The following RPGRIP1L variants were observed in gnomAD, a reference collection of about 807,000 sequenced individuals.
RPGRIP1L encodes the protein protein fantom.
In RPGRIP1L, 131 loss-of-function variants were observed where a neutral mutation model predicts 160.4. The observed-to-expected ratio is 0.82, with a 90% CI of 0.71 to 0.94. The LOEUF is 0.94. Ranked by LOEUF, RPGRIP1L falls within the 40% of genes least tolerant of loss-of-function variation. The pLI is 0.00. For missense variants in RPGRIP1L, 1,522 were observed against 1,535.8 expected (o/e 0.99, Z 0.15); for synonymous variants, 510 against 515.8 (o/e 0.99, Z 0.15).
chr16:53,659,155 G>T (rs1967545254), intron 10 of RPGRIP1L: 12 of 839,082 alleles, frequency 1.4e-5, no homozygotes, highest in Non-Finnish European at 1.8e-5. Flanking sequence ...GACTTCAAAG[G>T]AATGTTCTAT....
chr16:53,685,746 C>T (rs985254654), intron 6 of RPGRIP1L, among the ~76,000 whole-genome samples: 1 of 152,184 alleles, frequency 6.6e-6, no homozygotes, highest in African/African-American at 2.4e-5. Flanking sequence ...TCAGGAAGAA[C>T]AGCTAGTGGA....
chr16:53,645,560 C>A (rs905065616), intron 17 of RPGRIP1L, 65 bp downstream of exon 17: 59 of 1,453,302 alleles, frequency 4.1e-5, no homozygotes, highest in Non-Finnish European at 5.6e-5. Flanking sequence ...GAATCATATC[C>A]ATAACACTAA....
chr16:53,644,661 C>T (rs1966434110), intron 17 of RPGRIP1L, among the ~76,000 whole-genome samples: 1 of 152,168 alleles, frequency 6.6e-6, no homozygotes. Flanking sequence ...AGTAAGTGGT[C>T]TGATGTACTC....
chr16:53,698,269 G>A (rs900793154), intron 2 of RPGRIP1L, among the ~76,000 whole-genome samples: 1 of 151,410 alleles, frequency 6.6e-6, no homozygotes, highest in Non-Finnish European at 1.5e-5. Flanking sequence ...CGGGAGGGAG[G>A]TGGGGGGTCA....
intron 25 of RPGRIP1L, among the ~76,000 whole-genome samples, chr16:53,610,379 C>T (rs766703073): frequency 9.2e-5 from 14 of 152,126 alleles, no homozygotes; most frequent in Non-Finnish European, 1.8e-4. Flanking sequence ...ACAAATTAGT[C>T]TGAAAGGCTG....
At chr16:53,642,544 T>C (rs1401536038) in intron 17 of RPGRIP1L, among the ~76,000 whole-genome samples, 1 of 151,844 alleles carries the variant, frequency 6.6e-6, no homozygotes, top group Non-Finnish European at 1.5e-5. Flanking sequence ...AATGGCTAAG[T>C]AAAAAGCTCA....
intron 22 of RPGRIP1L, among the ~76,000 whole-genome samples, chr16:53,629,867 AC>A (rs2151004387): frequency 1.3e-5 from 2 of 152,264 alleles, no homozygotes; most frequent in South Asian, 4.1e-4. Context: ...GGTTCCAATA[AC>A]AGTAGAGGGC....
chr16:53,621,953 G>C (rs1249583856), intron 23 of RPGRIP1L, among the ~76,000 whole-genome samples: 1 of 147,892 alleles, frequency 6.8e-6, no homozygotes, highest in East Asian at 2.0e-4. Context: ...AACCCAGGGG[G>C]CGGAGCTTGC....
intron 3 of RPGRIP1L, chr16:53,695,782 G>A (rs1175521802): frequency 3.0e-6 from 1 of 338,420 alleles, no homozygotes; most frequent in Non-Finnish European, 5.4e-6. Flanking sequence ...ATTCTAACAA[G>A]TTAGAATAGT....
chr16:53,645,578 T>A (rs2151081122), intron 17 of RPGRIP1L, 47 bp downstream of exon 17: 2 of 1,566,386 alleles, frequency 1.3e-6, no homozygotes, highest in East Asian at 4.5e-5. Context: ...TAAGGTATAA[T>A]TTTGTTTTGT....
intron 25 of RPGRIP1L, 68 bp from the exon 26 acceptor site, chr16:53,605,682 A>G: frequency 6.6e-7 from 1 of 1,524,056 alleles, no homozygotes; most frequent in Non-Finnish European, 9.1e-7. Context: ...CAAAACTCCC[A>G]AATGGGGTGT....
chr16:53,646,659 T>G (rs1028704375), intron 16 of RPGRIP1L, among the ~76,000 whole-genome samples: 5 of 152,168 alleles, frequency 3.3e-5, no homozygotes, highest in Admixed American at 3.3e-4. Flanking sequence ...TTTAGAAAAG[T>G]ATTGTGCTGA....
intron 24 of RPGRIP1L, among the ~76,000 whole-genome samples, chr16:53,612,580 G>A (rs777589722): frequency 3.5e-5 from 5 of 142,372 alleles, no homozygotes; most frequent in Admixed American, 1.5e-4. Flanking sequence ...CTTTTATGTC[G>A]TACTGGCTTC....
Position 53,673,494 on chromosome 16 carries a change from C to T in RPGRIP1L, c.883-478G>A, listed in dbSNP as rs1287626513. The stretch of plus-strand genomic sequence containing the variant: ...TTGCATACAATTAAGTTAAAATTTC[C>T]AATTTAGTAAAAGTTATGAACTTTT... On this transcript the variant is annotated intron_variant, in intron 7 of 26. Coordinates refer to ENST00000647211, the MANE Select transcript of RPGRIP1L (RefSeq NM_015272.5). Among the ~76,000 whole-genome samples the T allele has an allele frequency of 2.1e-5, 3 of 142,616 alleles. 1 individual carries two copies. Among genetic ancestry groups the T allele is most frequent in the Admixed American group, 2.0e-4 (3 of 14,966 alleles). 93.6% of individuals were successfully genotyped at this position (142,616 alleles called of 152,430 possible).
chr16:53,627,151 C>G (rs1484343401), intron 22 of RPGRIP1L, among the ~76,000 whole-genome samples: 1 of 152,168 alleles, frequency 6.6e-6, no homozygotes, highest in South Asian at 2.1e-4. Flanking sequence ...GTTTCAGCCA[C>G]TACACGCAGC....
chr16:53,603,254 T>A (rs1385506333), intron 26 of RPGRIP1L, among the ~76,000 whole-genome samples: 1 of 152,260 alleles, frequency 6.6e-6, no homozygotes, highest in Non-Finnish European at 1.5e-5. Context: ...ACAATGATAA[T>A]GGCTAGTGAC....
rs973363842 is a variant in RPGRIP1L, at chr16:53,666,598, A to G, written c.1104-1589T>C. ...TGTGTGTGTGTGTGTGTGTGTATAT[A>G]TATATATATGTATGTATGTATGTAT... is the stretch of plus-strand genomic sequence containing the variant. On this transcript the variant is annotated intron_variant, in intron 9 of 26. Coordinates refer to ENST00000647211, the MANE Select transcript of RPGRIP1L (RefSeq NM_015272.5). Among the ~76,000 whole-genome samples the G allele has an allele frequency of 4.3e-3, 573 of 132,416 alleles. 5 individuals are homozygous for G. The highest frequency in any genetic ancestry group is 0.032 in the East Asian group (126 of 3,988). The allele number at this position is 132,416 out of a possible 152,430, so 86.9% of individuals were successfully genotyped here. A position where few individuals can be genotyped will look rare whatever the true frequency, so the allele number is the denominator to read the frequency against.
At chr16:53,641,919 AT>A (rs1218791042) in intron 17 of RPGRIP1L, among the ~76,000 whole-genome samples, 1 of 152,112 alleles carries the variant, frequency 6.6e-6, no homozygotes, top group Non-Finnish European at 1.5e-5. Flanking sequence ...ATACTTTAAA[AT>A]TTCAAATAAT....
chr16:53,617,391 A>G (rs1026841362), intron 24 of RPGRIP1L, among the ~76,000 whole-genome samples: 13 of 152,206 alleles, frequency 8.5e-5, no homozygotes, highest in Non-Finnish European at 1.8e-4. Context: ...TCTTAAAATT[A>G]GTTGAATGCA....
Sources: allele counts gnomAD v4.1 joint callset (sites outside exome capture counted in the v4.1 genomes callset), GRCh38; gene constraint gnomAD v4.1.1; transcripts MANE v1.5; gene names NCBI Gene and HGNC (gene_info 2026-07-23, HGNC 2026-07-21).